The following BTRC variants were observed in gnomAD, a reference collection of about 807,000 sequenced individuals.
BTRC encodes beta-transducin repeat containing E3 ubiquitin protein ligase, also known as F-box/WD repeat-containing protein 1A.
Under a neutral mutation model 85.5 loss-of-function variants are expected in BTRC, and 42 were observed. The observed-to-expected ratio is 0.49, with a 90% CI of 0.38 to 0.64. The LOEUF (loss-of-function observed/expected upper bound fraction) is 0.64. Ranked by LOEUF, BTRC falls within the 30% of genes least tolerant of loss-of-function variation. The pLI is 0.00. For missense variants in BTRC, 594 were observed against 743.5 expected, an observed-to-expected ratio of 0.80 and a Z score of 2.34; for synonymous variants, 255 against 263.3, an observed-to-expected ratio of 0.97 and a Z score of 0.30.
chr10:101,366,946 ATTTATATAT>A (rs1564730499), intron 1 of BTRC, among the ~76,000 whole-genome samples: 1 of 38,056 alleles, frequency 2.6e-5, no homozygotes, highest in Non-Finnish European at 5.1e-5. Flanking sequence ...ATTTATATAT[ATTTATATAT>A]ATATTTATAT....
At chr10:101,398,528 C>T (rs1943420118) in intron 1 of BTRC, among the ~76,000 whole-genome samples, 2 of 152,116 alleles carry the variant, frequency 1.3e-5, no homozygotes, top group Admixed American at 6.5e-5. Context: ...TGTTCTCAAT[C>T]TCCTGACCTC....
chr10:101,552,357 ATT>A (rs33974447), intron 14 of BTRC, among the ~76,000 whole-genome samples: 9 of 132,872 alleles, frequency 6.8e-5, no homozygotes, highest in Non-Finnish European at 6.3e-5. Flanking sequence ...AATTGTTTGT[ATT>A]TTTTTTTTTT....
chr10:101,500,575 A>T (rs1415928133), intron 4 of BTRC, among the ~76,000 whole-genome samples: 1 of 152,106 alleles, frequency 6.6e-6, no homozygotes, highest in Non-Finnish European at 1.5e-5. Context: ...GTGGGGAGGG[A>T]TAGTTGGGGT....
intron 13 of BTRC, among the ~76,000 whole-genome samples, chr10:101,548,926 G>A (rs1184236044): frequency 6.7e-6 from 1 of 148,808 alleles, no homozygotes; most frequent in Non-Finnish European, 1.5e-5. Context: ...GGTGGCATGT[G>A]CCTGTAATCC....
At chr10:101,534,608 T>C (rs1417953255) in intron 9 of BTRC, 53 bp from the exon 10 acceptor site, 21 of 1,606,320 alleles carry the variant, frequency 1.3e-5, no homozygotes, top group East Asian at 4.5e-5. Flanking sequence ...TGGTCAAATA[T>C]AGGTAACAGA....
chr10:101,459,127 G>T (rs956793767), intron 2 of BTRC, among the ~76,000 whole-genome samples: 36 of 152,138 alleles, frequency 2.4e-4, no homozygotes, highest in African/African-American at 8.2e-4. Context: ...ACCCAATGAT[G>T]ATTCTTCCTT....
chr10:101,494,649 G>A (rs188515890), intron 4 of BTRC, among the ~76,000 whole-genome samples: 60 of 151,896 alleles, frequency 4.0e-4, no homozygotes, highest in South Asian at 2.5e-3. Flanking sequence ...TTTTATACAC[G>A]TATTGATTTT....
intron 1 of BTRC, among the ~76,000 whole-genome samples, chr10:101,392,740 T>A (rs1943268904): frequency 6.6e-6 from 1 of 152,076 alleles, no homozygotes; most frequent in South Asian, 2.1e-4. Flanking sequence ...GCCAGACTGG[T>A]CTCGAACTCC....
chr10:101,546,232 G>T (rs1003762143), intron 13 of BTRC, among the ~76,000 whole-genome samples: 4 of 152,040 alleles, frequency 2.6e-5, no homozygotes, highest in Non-Finnish European at 2.9e-5. Context: ...GGCCATAAAA[G>T]GTACCTTAAA....
At chr10:101,363,933 A>G (rs1222860776) in intron 1 of BTRC, among the ~76,000 whole-genome samples, 4 of 152,098 alleles carry the variant, frequency 2.6e-5, no homozygotes, top group African/African-American at 9.7e-5. Flanking sequence ...AGAATCACAA[A>G]ATACCAGCAT....
chr10:101,507,720 T>A (rs1181760456), intron 4 of BTRC, among the ~76,000 whole-genome samples: 3 of 152,220 alleles, frequency 2.0e-5, no homozygotes, highest in African/African-American at 7.2e-5. Context: ...CTGAAATGAT[T>A]AGCACAGTGA....
At chr10:101,504,264 GT>G (rs369741351) in intron 4 of BTRC, among the ~76,000 whole-genome samples, 3 of 152,152 alleles carry the variant, frequency 2.0e-5, no homozygotes, top group Non-Finnish European at 4.4e-5. Flanking sequence ...TTAAAAAATA[GT>G]TTTTTATCTC....
intron 2 of BTRC, among the ~76,000 whole-genome samples, chr10:101,438,431 A>AAG: frequency 6.7e-6 from 1 of 148,400 alleles, no homozygotes; most frequent in Middle Eastern, 3.4e-3. Context: ...TCAAAAAAAA[A>AAG]AAAAAAAAAA....
chr10:101,508,961 T>A (rs1202579218), intron 4 of BTRC, among the ~76,000 whole-genome samples: 1 of 148,604 alleles, frequency 6.7e-6, no homozygotes, highest in African/African-American at 2.4e-5. Context: ...TTAAAAGTTA[T>A]TATCCCACTT....
At chr10:101,501,241 A>G (rs2134291492) in intron 4 of BTRC, among the ~76,000 whole-genome samples, 1 of 152,350 alleles carries the variant, frequency 6.6e-6, no homozygotes, top group African/African-American at 2.4e-5. Flanking sequence ...GTTTTAAGTA[A>G]GAACATGTGA....
At chr10:101,547,587 C>T (rs1438251378) in intron 13 of BTRC, among the ~76,000 whole-genome samples, 1 of 152,002 alleles carries the variant, frequency 6.6e-6, no homozygotes, top group East Asian at 1.9e-4. Flanking sequence ...GATCCACCTG[C>T]CTCAACCTCC....
chr10:101,455,906 C>T (rs1945063593), intron 2 of BTRC, among the ~76,000 whole-genome samples: 1 of 150,420 alleles, frequency 6.6e-6, no homozygotes, highest in African/African-American at 2.4e-5. Context: ...CTTTGGGAGG[C>T]CGAGGTGGGT....
intron 1 of BTRC, among the ~76,000 whole-genome samples, chr10:101,374,356 A>G (rs1218074622): frequency 6.6e-6 from 1 of 151,974 alleles, no homozygotes; most frequent in Non-Finnish European, 1.5e-5. Flanking sequence ...GGCATTATTC[A>G]CAATAGCAAA....
At position 101,366,929 on chromosome 10, in the gene BTRC, T is replaced by A. The variant is rs11593129; in HGVS notation, c.48+12701T>A. Among the ~76,000 whole-genome samples the A allele has an allele frequency of 2.2e-3, 43 of 19,272 alleles. 1 individual carries two copies. Among genetic ancestry groups the A allele is most frequent in the East Asian group, 9.7e-3 (3 of 310 alleles). 12.6% of individuals were successfully genotyped at this position (19,272 alleles called of 152,430 possible). A position where few individuals can be genotyped will look rare whatever the true frequency, so the allele number is the denominator to read the frequency against. On this transcript the variant is annotated intron_variant, in intron 1 of 14. Coordinates refer to ENST00000370187, the MANE Select transcript of BTRC (RefSeq NM_033637.4). Reference sequence around the variant, plus strand: ...ATATTAATATATATTTATATATATTTATATATATTTATATATATTTATATA... The same window carrying A: ...ATATTAATATATATTTATATATATTAATATATATTTATATATATTTATATA...
Sources: allele counts gnomAD v4.1 joint callset (sites outside exome capture counted in the v4.1 genomes callset), GRCh38; gene constraint gnomAD v4.1.1; transcripts MANE v1.5; gene names NCBI Gene and HGNC (gene_info 2026-07-23, HGNC 2026-07-21).